The following CORIN variants were observed in gnomAD, a reference collection of about 807,000 sequenced individuals.
CORIN encodes corin, serine peptidase.
Under a neutral mutation model 125.3 loss-of-function variants are expected in CORIN, and 117 were observed. The observed-to-expected ratio is 0.93, with a 90% CI of 0.80 to 1.09. CORIN has a LOEUF of 1.09. CORIN is among the 50% of genes least tolerant of loss of function. The pLI, the probability that CORIN is intolerant of heterozygous loss-of-function variation, is 0.00. For missense variants in CORIN, 1,253 were observed against 1,306.7 expected (o/e 0.96, Z 0.63); for synonymous variants, 450 against 466.4 (o/e 0.96, Z 0.45).
At chr4:47,666,601 C>G (rs1724494912) in intron 10 of CORIN, among the ~76,000 whole-genome samples, 1 of 151,992 alleles carries the variant, frequency 6.6e-6, no homozygotes, top group Admixed American at 6.5e-5. Flanking sequence ...GGAGGTGGGG[C>G]CTTTGGGAGG....
In CORIN at chr4:47,706,458, G is replaced by C. The variant is rs547986582; in HGVS notation, c.800-13375C>G. On this transcript the variant is annotated intron_variant, in intron 5 of 21. Transcript: ENST00000273857. Reference sequence around the variant, plus strand: ...TTCTTCTGAGGGTCCGCTGCTGGCAGTACCGCCAGCTCTCTGCTCTTCACA... The same window carrying C: ...TTCTTCTGAGGGTCCGCTGCTGGCACTACCGCCAGCTCTCTGCTCTTCACA... 3.0e-4 allele frequency: 491 copies of C among 1,611,192 alleles called. 2 individuals are homozygous for C. In the African/African-American group the frequency reaches 5.4e-3, roughly 18 times the overall value.
intron 11 of CORIN, 145 bp from the exon 12 acceptor site, chr4:47,662,001 G>A: frequency 1.3e-6 from 1 of 749,300 alleles, no homozygotes; most frequent in African/African-American, 1.8e-5. Flanking sequence ...ATATATGATA[G>A]GTATTTGGGA....
chr4:47,792,107 T>G (rs1484785819), intron 2 of CORIN, among the ~76,000 whole-genome samples: 1 of 152,146 alleles, frequency 6.6e-6, no homozygotes, highest in African/African-American at 2.4e-5. Context: ...TTTCTAGGTT[T>G]AAGCAAAGTA....
At chr4:47,707,509 TC>T (rs1726629769) in intron 5 of CORIN, among the ~76,000 whole-genome samples, 1 of 152,116 alleles carries the variant, frequency 6.6e-6, no homozygotes, top group Non-Finnish European at 1.5e-5. Flanking sequence ...AAAAGCCAAT[TC>T]CTAAGGACTC....
chr4:47,603,390 G>A lies in CORIN; in HGVS notation c.2812+7C>T. On this transcript the variant is annotated splice_region_variant and intron_variant, in intron 20 of 21. Transcript: ENST00000273857. ...CAGCATGAGAATGGACTAATACACT[G>A]GCTTACTTTTATTGCCCATGTGGCC... is the stretch of plus-strand genomic sequence containing the variant. 6.2e-7 allele frequency: 1 copy of A among 1,613,122 alleles called. No individual in the cohort carries two copies. The highest frequency in any genetic ancestry group is 8.5e-7 in the Non-Finnish European group (1 of 1,179,814).
intron 12 of CORIN, among the ~76,000 whole-genome samples, chr4:47,657,273 C>T (rs1418712372): frequency 6.6e-6 from 1 of 152,092 alleles, no homozygotes; most frequent in Admixed American, 6.5e-5. Context: ...GTGGCTCATG[C>T]CTGTAATCCC....
chr4:47,756,641 C>T (rs1417074421), intron 4 of CORIN, among the ~76,000 whole-genome samples: 1 of 151,114 alleles, frequency 6.6e-6, no homozygotes, highest in African/African-American at 2.5e-5. Context: ...AGTCATGTGG[C>T]TAAGTAATTT....
At chr4:47,690,978 A>AT in intron 6 of CORIN, among the ~76,000 whole-genome samples, 1 of 152,332 alleles carries the variant, frequency 6.6e-6, no homozygotes, top group East Asian at 1.9e-4. Flanking sequence ...CCAAAAGATC[A>AT]TTTTTGTGAT....
chr4:47,667,344 C>A (rs1413069584), intron 10 of CORIN, among the ~76,000 whole-genome samples: 1 of 152,150 alleles, frequency 6.6e-6, no homozygotes, highest in African/African-American at 2.4e-5. Flanking sequence ...GTGGTTTGGG[C>A]AGCTTTGGGG....
intron 11 of CORIN, among the ~76,000 whole-genome samples, chr4:47,663,492 A>G (rs61760487): frequency 8.5e-4 from 129 of 152,248 alleles, no homozygotes; most frequent in Non-Finnish European, 1.5e-3. Context: ...GGTAAACCTG[A>G]AAAAAAGAAA....
At chr4:47,727,543 G>A (rs934950842) in intron 5 of CORIN, among the ~76,000 whole-genome samples, 4 of 152,070 alleles carry the variant, frequency 2.6e-5, no homozygotes, top group African/African-American at 9.7e-5. Context: ...GTTTTTTAAA[G>A]TAATAATTTC....
chr4:47,618,711 C>T lies in CORIN; in HGVS notation c.2540+4860G>A, dbSNP rs550755948. Among the ~76,000 whole-genome samples, 245 of 149,936 alleles carry T rather than the reference C, an allele frequency of 1.6e-3. 1 individual carries two copies. Among genetic ancestry groups the T allele is most frequent in the African/African-American group, 2.7e-3 (108 of 40,712 alleles). ...GTGGGCACCTGCAGTCCCAGCTACT[C>T]GGGAGGCTGAGGCAGGAGAATGGCA... is the stretch of plus-strand genomic sequence containing the variant. On this transcript the variant is annotated intron_variant, in intron 19 of 21. Coordinates refer to ENST00000273857, the MANE Select transcript of CORIN (RefSeq NM_006587.4).
chr4:47,828,765 C>T (rs1262292045), intron 1 of CORIN, among the ~76,000 whole-genome samples: 1 of 152,192 alleles, frequency 6.6e-6, no homozygotes, highest in Non-Finnish European at 1.5e-5. Flanking sequence ...TTCTCTCATA[C>T]CGCAGACATT....
chr4:47,623,285 C>T (rs1325713007), intron 19 of CORIN, among the ~76,000 whole-genome samples: 1 of 151,926 alleles, frequency 6.6e-6, no homozygotes, highest in Non-Finnish European at 1.5e-5. Context: ...TTTAAGAGGT[C>T]TAGAAAAGAG....
intron 12 of CORIN, among the ~76,000 whole-genome samples, chr4:47,659,568 G>T (rs1724152784): frequency 6.6e-6 from 1 of 152,160 alleles, no homozygotes; most frequent in South Asian, 2.1e-4. Flanking sequence ...GCAAGAGAGA[G>T]AGTAGGGGAA....
chr4:47,609,036 T>G (rs2109522419), intron 19 of CORIN, among the ~76,000 whole-genome samples: 1 of 152,258 alleles, frequency 6.6e-6, no homozygotes, highest in Middle Eastern at 3.4e-3. Context: ...ATATTATAAT[T>G]AACAACTATG....
At chr4:47,752,958 T>A (rs549113449) in intron 4 of CORIN, among the ~76,000 whole-genome samples, 1 of 151,902 alleles carries the variant, frequency 6.6e-6, no homozygotes, top group Admixed American at 6.6e-5. Flanking sequence ...TCAAATGAAT[T>A]GAATCACAAG....
chr4:47,750,277 G>A lies in CORIN; in HGVS notation c.618-5694C>T, dbSNP rs147246664. ...TCCACTAAACGTGGGGATGGACAGC[G>A]GTGCAAGGGAATTTTTACATGTGTC... On this transcript the variant is annotated intron_variant, in intron 4 of 21. Coordinates refer to ENST00000273857, the MANE Select transcript of CORIN (RefSeq NM_006587.4). Among the ~76,000 whole-genome samples, 275 of 152,268 alleles carry A rather than the reference G, an allele frequency of 1.8e-3. 1 individual carries two copies. Among genetic ancestry groups the A allele is most frequent in the African/African-American group, 6.4e-3 (268 of 41,564 alleles).
intron 1 of CORIN, among the ~76,000 whole-genome samples, chr4:47,809,856 G>A (rs1731985769): frequency 6.6e-6 from 1 of 152,178 alleles, no homozygotes; most frequent in South Asian, 2.1e-4. Flanking sequence ...ATTATGCACA[G>A]GCCCTTGGAG....
Sources: gnomAD v4.1 joint callset for allele counts (sites outside exome capture counted in the v4.1 genomes callset) on GRCh38, gnomAD v4.1.1 for gene constraint, MANE v1.5 for transcripts, NCBI Gene and HGNC (gene_info 2026-07-23, HGNC 2026-07-21) for gene names.